AFF3: variants seen among roughly 807,000 people sequenced by gnomAD.
AFF3 encodes the protein ALF transcription elongation factor 3, also known as AF4/FMR2 family member 3.
A neutral mutation model predicts 129.7 loss-of-function variants in AFF3; 32 were observed. That is an observed-to-expected ratio of 0.25 (90% CI 0.19 to 0.33). AFF3 has a LOEUF of 0.33. AFF3 is among the 10% of genes least tolerant of loss of function. The probability of loss-of-function intolerance (pLI) is 1.00; values close to 1 mark genes in which losing one functional copy is unlikely to be tolerated. For missense variants in AFF3, 1,373 were observed against 1,592.0 expected (o/e 0.86, Z 2.34); for synonymous variants, 644 against 635.4 (o/e 1.01, Z -0.20).
chr2:99,930,367 C>T (rs1255962082), intron 7 of AFF3, among the ~76,000 whole-genome samples: 6 of 152,162 alleles, frequency 3.9e-5, no homozygotes, highest in African/African-American at 7.2e-5. Context: ...TTCAAAGTGG[C>T]TCCTGCAGGT....
intron 7 of AFF3, among the ~76,000 whole-genome samples, chr2:99,880,553 C>T (rs949982516): frequency 1.3e-5 from 2 of 152,166 alleles, no homozygotes; most frequent in African/African-American, 4.8e-5. Flanking sequence ...TGGGCTATGC[C>T]ATAGCGTGGA....
chr2:99,821,692 G>A (rs974797300), intron 8 of AFF3, among the ~76,000 whole-genome samples: 15 of 152,182 alleles, frequency 9.9e-5, no homozygotes, highest in Admixed American at 2.0e-4. Flanking sequence ...TATGTGCTGG[G>A]CTTTTATCCG....
At chr2:99,680,057 G>T (rs1461478416) in intron 11 of AFF3, among the ~76,000 whole-genome samples, 1 of 152,170 alleles carries the variant, frequency 6.6e-6, no homozygotes, top group African/African-American at 2.4e-5. Context: ...ATATGTAAGT[G>T]CCACACACGG....
At chr2:99,904,685 A>G (rs941764740) in intron 7 of AFF3, among the ~76,000 whole-genome samples, 3 of 152,162 alleles carry the variant, frequency 2.0e-5, no homozygotes, top group Middle Eastern at 3.2e-3. Context: ...TGTTTCTTCA[A>G]TAATCAACCT....
intron 12 of AFF3, among the ~76,000 whole-genome samples, chr2:99,653,180 C>T (rs925826510): frequency 1.3e-5 from 2 of 152,242 alleles, no homozygotes; most frequent in African/African-American, 2.4e-5. Context: ...CTCCCTACTC[C>T]TGACTGTTTG....
intron 7 of AFF3, among the ~76,000 whole-genome samples, chr2:99,943,504 T>C (rs929057883): frequency 8.5e-5 from 13 of 152,340 alleles, no homozygotes; most frequent in East Asian, 3.9e-4. Context: ...TGTTATTACA[T>C]GGACAGTGAT....
At chr2:99,611,883 T>C (rs1175137503) in intron 13 of AFF3, among the ~76,000 whole-genome samples, 4 of 117,074 alleles carry the variant, frequency 3.4e-5, no homozygotes, top group Non-Finnish European at 8.3e-5. Flanking sequence ...TGAGATATCA[T>C]CTCAAAAAAA....
At chr2:99,992,569 T>C (rs1202497636) in intron 7 of AFF3, among the ~76,000 whole-genome samples, 4 of 152,240 alleles carry the variant, frequency 2.6e-5, no homozygotes, top group African/African-American at 9.6e-5. Context: ...TTTCTGTCTT[T>C]ATCAAAAATT....
Position 99,554,501 on chromosome 2 carries a change from G to A in AFF3, c.3369C>T (p.Asn1123=), listed in dbSNP as rs139285971. The change falls in exon 24 of 25, where the codon AAC becomes AAT. Residue 1123 remains asparagine (N), a synonymous_variant. Coordinates refer to ENST00000672756, the MANE Select transcript of AFF3 (RefSeq NM_001386135.1). ...ACCCCACGGAGCTGGCGGGAGAGGGGTTGGGAGACATGGGGGATGGGGTTC... is the reference window on the plus strand; with the variant it reads ...ACCCCACGGAGCTGGCGGGAGAGGGATTGGGAGACATGGGGGATGGGGTTC... The part of the protein sequence containing the change: ...STGTPSPMSP[N]PSPASSVGSQ... 3.1e-6 allele frequency: 5 copies of A among 1,613,678 alleles called. No individual in the cohort carries two copies. The highest frequency in any genetic ancestry group is 1.7e-5 in the Admixed American group (1 of 60,000).
At chr2:100,075,142 G>C (rs962794887) in intron 4 of AFF3, among the ~76,000 whole-genome samples, 1 of 152,092 alleles carries the variant, frequency 6.6e-6, no homozygotes, top group Non-Finnish European at 1.5e-5. Context: ...GGTGGGCGAT[G>C]GGATAAGTTT....
At chr2:99,789,933 G>T (rs1685080826) in intron 8 of AFF3, among the ~76,000 whole-genome samples, 1 of 152,244 alleles carries the variant, frequency 6.6e-6, no homozygotes, top group African/African-American at 2.4e-5. Flanking sequence ...AAGGAATGTA[G>T]ATCCAGTGAA....
At position 99,744,229 on chromosome 2, in the gene AFF3, C is replaced by T. The variant is rs537712664; in HGVS notation, c.1003-89G>A. The T allele has an allele frequency of 2.1e-4, 236 of 1,142,418 alleles. 1 individual carries two copies. Among genetic ancestry groups the T allele is most frequent in the Admixed American group, 1.3e-3 (64 of 49,230 alleles). The allele number at this position is 1,142,418 out of a possible 1,614,324, so 70.8% of individuals were successfully genotyped here. On this transcript the variant is annotated intron_variant, in intron 9 of 24. Coordinates refer to ENST00000672756, the MANE Select transcript of AFF3 (RefSeq NM_001386135.1). ...GAGATCATGTTTAAAACTGGTCATT[C>T]AGAACCGATTCATTGCTCTCAATCT...
chr2:100,057,499 A>C (rs1024473226), intron 4 of AFF3, among the ~76,000 whole-genome samples: 2 of 152,166 alleles, frequency 1.3e-5, no homozygotes, highest in Non-Finnish European at 2.9e-5. Flanking sequence ...TAGCATTTAC[A>C]CATATCACAT....
chr2:99,592,442 T>G (rs1378855093), intron 15 of AFF3, among the ~76,000 whole-genome samples: 1 of 152,196 alleles, frequency 6.6e-6, no homozygotes, highest in African/African-American at 2.4e-5. Flanking sequence ...AACCTTGAAC[T>G]TCATGAGGCC....
At chr2:99,934,031 G>A (rs1035301963) in intron 7 of AFF3, among the ~76,000 whole-genome samples, 2 of 152,070 alleles carry the variant, frequency 1.3e-5, no homozygotes, top group Admixed American at 6.6e-5. Context: ...GCATCTCTAG[G>A]GCAGCCAGTC....
At chr2:99,947,597 AAGAAAGATAGATAGATAGATAGAT>A (rs1179614794) in intron 7 of AFF3, among the ~76,000 whole-genome samples, 3 of 140,798 alleles carry the variant, frequency 2.1e-5, no homozygotes, top group Non-Finnish European at 3.1e-5. Context: ...GAAAGAAAGA[AAGAAAGATAGATAGATAGATAGAT>A]AGATAGATAG....
intron 7 of AFF3, among the ~76,000 whole-genome samples, chr2:99,972,743 T>C (rs562656289): frequency 6.0e-4 from 92 of 152,146 alleles, no homozygotes; most frequent in Non-Finnish European, 1.2e-3. Context: ...CTACAAAGAA[T>C]GGAGAGTGAC....
At chr2:99,926,631 A>C (rs974160604) in intron 7 of AFF3, among the ~76,000 whole-genome samples, 4 of 152,102 alleles carry the variant, frequency 2.6e-5, no homozygotes, top group African/African-American at 7.2e-5. Context: ...TCTGAGTATG[A>C]GTCTAATGGT....
intron 13 of AFF3, among the ~76,000 whole-genome samples, chr2:99,635,014 G>A (rs1683497548): frequency 7.4e-6 from 1 of 135,600 alleles, no homozygotes; most frequent in Admixed American, 7.3e-5. Context: ...TATGGTTGCT[G>A]TATATCATGT....
Sources: gnomAD v4.1 joint callset for allele counts (sites outside exome capture counted in the v4.1 genomes callset) on GRCh38, gnomAD v4.1.1 for gene constraint, MANE v1.5 for transcripts, NCBI Gene and HGNC (gene_info 2026-07-23, HGNC 2026-07-21) for gene names.